CDC25A: variants seen among roughly 807,000 people sequenced by gnomAD.
CDC25A encodes cell division cycle 25A.
A neutral mutation model predicts 64.6 loss-of-function variants in CDC25A; 17 were observed. The ratio of observed to expected loss-of-function variants is 0.26; its 90% confidence interval spans 0.18 to 0.39. The LOEUF (loss-of-function observed/expected upper bound fraction) is 0.39, where lower values mean the gene tolerates loss of function less well. Among genes scored for constraint, CDC25A ranks in the 10% least tolerant of loss-of-function variants. The pLI, the probability that CDC25A is intolerant of heterozygous loss-of-function variation, is 1.00. For missense variants in CDC25A, 473 were observed against 654.8 expected (o/e 0.72, Z 3.03); for synonymous variants, 229 against 238.6 (o/e 0.96, Z 0.37).
chr3:48,169,076 T>C (rs1377603306), intron 9 of CDC25A, among the ~76,000 whole-genome samples: 1 of 152,218 alleles, frequency 6.6e-6, no homozygotes, highest in Non-Finnish European at 1.5e-5. Flanking sequence ...AATTCCTGAT[T>C]ATTATTGAAA....
At chr3:48,180,389 TA>T (rs1211575964) in intron 6 of CDC25A, 2,411 of 144,702 alleles carry the variant, frequency 0.017, 3 homozygotes, top group Middle Eastern at 0.03. Flanking sequence ...AGAAAGCCCT[TA>T]AAAAAAAAAA....
intron 1 of CDC25A, 35 bp downstream of exon 1, chr3:48,187,743 G>A: frequency 3.9e-6 from 6 of 1,521,670 alleles, no homozygotes; most frequent in Non-Finnish European, 5.3e-6. Context: ...ACCGAGGCCA[G>A]GGGCCCGGAG....
chr3:48,169,775 AGGT>A (rs1452757633), intron 9 of CDC25A, among the ~76,000 whole-genome samples: 2 of 152,182 alleles, frequency 1.3e-5, no homozygotes, highest in African/African-American at 4.8e-5. Flanking sequence ...TGGGAGGCCG[AGGT>A]GAGTGGATCA....
intron 9 of CDC25A, 136 bp from the exon 10 acceptor site, chr3:48,168,080 G>T: frequency 1.8e-6 from 1 of 547,306 alleles, no homozygotes. Flanking sequence ...TTATTTTATT[G>T]AATCTGGAGT....
At chr3:48,179,193 T>G (rs1157408668) in intron 6 of CDC25A, among the ~76,000 whole-genome samples, 1 of 152,162 alleles carries the variant, frequency 6.6e-6, no homozygotes, top group Non-Finnish European at 1.5e-5. Context: ...AGCCTAGGGG[T>G]AGATAACTTT....
intron 9 of CDC25A, 117 bp from the exon 10 acceptor site, chr3:48,168,061 G>A: frequency 1.7e-6 from 1 of 590,482 alleles, no homozygotes; most frequent in East Asian, 2.9e-5. Context: ...TTAGTAAGAA[G>A]TTTTTATTTT....
rs2032640832 is a variant in CDC25A, at chr3:48,180,837, C to T, written c.433G>A (p.Ala145Thr). 2 of 1,614,004 alleles carry T rather than the reference C, an allele frequency of 1.2e-6. No homozygotes were observed. The highest frequency in any genetic ancestry group is 1.1e-5 in the South Asian group (1 of 91,072). The change falls in exon 6 of 15, where the codon GCC becomes ACC. Residue 145 changes from alanine to threonine, a missense_variant. Coordinates refer to ENST00000302506, the MANE Select transcript of CDC25A (RefSeq NM_001789.3). The stretch of plus-strand genomic sequence containing the variant: ...CTTACTGGCTTCTTAAACTCAAAGG[C>T]TTCCTGCAAGACATAGTTGAGACAT... ...IDPDENKENE[A>T]FEFKKPVRPV...
At chr3:48,174,139 ACACACACACACC>A (rs2032367562) in intron 9 of CDC25A, 133 bp downstream of exon 9, 5 of 663,906 alleles carry the variant, frequency 7.5e-6, no homozygotes, top group Non-Finnish European at 1.2e-5. Flanking sequence ...ATTAAAAGAA[ACACACACACACC>A]CACACACACA....
At chr3:48,183,502 C>T (rs905105764) in intron 4 of CDC25A, among the ~76,000 whole-genome samples, 8 of 152,034 alleles carry the variant, frequency 5.3e-5, no homozygotes, top group African/African-American at 1.9e-4. Context: ...AGAGTGAGAC[C>T]CCCATGTCTA....
At chr3:48,168,200 AG>A (rs71281893) in intron 9 of CDC25A, among the ~76,000 whole-genome samples, 1 of 147,170 alleles carries the variant, frequency 6.8e-6, no homozygotes, top group Non-Finnish European at 1.5e-5. Context: ...AAAAAAAAAA[AG>A]GGGGTGCAGG....
rs1397621878 is a variant in CDC25A, at chr3:48,180,743, T to C, written c.527A>G (p.Gln176Arg). The C allele has an allele frequency of 1.2e-6, 2 of 1,614,074 alleles. No individual in the cohort carries two copies. The highest frequency in any genetic ancestry group is 1.7e-6 in the Non-Finnish European group (2 of 1,180,024). Residue 176 changes from glutamine (Q) to arginine (R), a missense_variant, in exon 6 of 15, where the codon CAG becomes CGG. This residue lies in a region of CDC25A where 376 missense variants were observed against 431.9 expected (regional missense o/e 0.87). Transcript: ENST00000302506. The part of the protein sequence containing the change: ...QEGKDLFTQR[Q>R]NSAPARMLSS... ...TACCATCCGAGCTGGGGCAGAGTTC[T>C]GCCTCTGTGTGAAGAGATCTTTACC...
intron 8 of CDC25A, among the ~76,000 whole-genome samples, chr3:48,175,299 A>G (rs1010957585): frequency 3.9e-5 from 6 of 152,098 alleles, no homozygotes; most frequent in East Asian, 3.8e-4. Flanking sequence ...CTCTGTCTCA[A>G]TAAATAAATA....
chr3:48,187,139 T>A (rs556052708), intron 1 of CDC25A, among the ~76,000 whole-genome samples: 81 of 152,204 alleles, frequency 5.3e-4, no homozygotes, highest in Non-Finnish European at 1.0e-3. Flanking sequence ...ACAAGACATG[T>A]GCTTAGCAAA....
chr3:48,177,995 G>C lies in CDC25A; in HGVS notation c.550-7C>G. ...CTCTTTCATTTGAGGAAAGCTGTAAGACAAAATTCATGGATTAATAATGAG... is the reference window on the plus strand; with the variant it reads ...CTCTTTCATTTGAGGAAAGCTGTAACACAAAATTCATGGATTAATAATGAG... On this transcript the variant is annotated splice_polypyrimidine_tract_variant and splice_region_variant and intron_variant, in intron 6 of 14. Transcript: ENST00000302506. 6.2e-7 allele frequency: 1 copy of C among 1,603,228 alleles called. No homozygotes were observed. The highest frequency in any genetic ancestry group is 8.5e-7 in the Non-Finnish European group (1 of 1,174,516).
intron 5 of CDC25A, among the ~76,000 whole-genome samples, chr3:48,182,062 T>C (rs1258497775): frequency 6.6e-6 from 1 of 152,208 alleles, no homozygotes; most frequent in African/African-American, 2.4e-5. Context: ...TGAGAAGCTA[T>C]TTCGGGGGAA....
At chr3:48,186,504 G>T (rs1180262901) in intron 2 of CDC25A, among the ~76,000 whole-genome samples, 199 bp downstream of exon 2, 1 of 151,826 alleles carries the variant, frequency 6.6e-6, no homozygotes, top group Non-Finnish European at 1.5e-5. Context: ...GGGAGGTGGA[G>T]GTTACAGTGA....
chr3:48,180,240 AC>A (rs1184762978), intron 6 of CDC25A: 2 of 152,644 alleles, frequency 1.3e-5, no homozygotes, highest in Non-Finnish European at 2.9e-5. Flanking sequence ...TTAACAAACC[AC>A]CTTTGGAAGA....
chr3:48,174,497 A>T, intron 8 of CDC25A, 40 bp from the exon 9 acceptor site: 1 of 1,576,950 alleles, frequency 6.3e-7, no homozygotes. Context: ...CTTTCATTAA[A>T]ACCTGTTCAC....
At chr3:48,175,437 G>A (rs2032420708) in intron 8 of CDC25A, among the ~76,000 whole-genome samples, 1 of 152,118 alleles carries the variant, frequency 6.6e-6, no homozygotes, top group East Asian at 1.9e-4. Flanking sequence ...TTTTCCTTCT[G>A]CACAGAATGT....
Sources: allele counts gnomAD v4.1 joint callset (sites outside exome capture counted in the v4.1 genomes callset), GRCh38; gene constraint gnomAD v4.1.1; regional missense constraint gnomAD v4.1.1; transcripts MANE v1.5; gene names NCBI Gene and HGNC (gene_info 2026-07-23, HGNC 2026-07-21).